The following IQSEC1 variants were observed in gnomAD, a reference collection of about 807,000 sequenced individuals.
The protein encoded by IQSEC1 is IQ motif and SEC7 domain-containing protein 1.
In IQSEC1, 31 loss-of-function variants were observed where a neutral mutation model predicts 91.0. The observed-to-expected ratio is 0.34, with a 90% CI of 0.26 to 0.46. IQSEC1 has a LOEUF of 0.46. Ranked by LOEUF, IQSEC1 falls within the 20% of genes least tolerant of loss-of-function variation. The probability of loss-of-function intolerance (pLI) is 1.00; values close to 1 mark genes in which losing one functional copy is unlikely to be tolerated. For missense variants in IQSEC1, 1,388 were observed against 1,575.6 expected (o/e 0.88, Z 2.02); for synonymous variants, 699 against 662.6 (o/e 1.05, Z -0.84).
At chr3:13,164,321 T>A (rs759648108) in intron 1 of IQSEC1, among the ~76,000 whole-genome samples, 1 of 152,146 alleles carries the variant, frequency 6.6e-6, no homozygotes, top group Non-Finnish European at 1.5e-5. Flanking sequence ...GGAACTGTAT[T>A]CAGAAAGTCC....
At chr3:13,220,847 T>C (rs575022654) in intron 1 of IQSEC1, among the ~76,000 whole-genome samples, 1 of 152,338 alleles carries the variant, frequency 6.6e-6, no homozygotes, top group African/African-American at 2.4e-5. Flanking sequence ...TCCACTGGCA[T>C]CTAGATCTGC....
intron 1 of IQSEC1, among the ~76,000 whole-genome samples, chr3:13,046,105 C>G (rs981091820): frequency 6.6e-6 from 1 of 152,208 alleles, no homozygotes; most frequent in Non-Finnish European, 1.5e-5. Context: ...GTATTCACAC[C>G]AGGATACCCA....
At chr3:13,192,074 G>A (rs1184886310) in intron 1 of IQSEC1, among the ~76,000 whole-genome samples, 2 of 152,146 alleles carry the variant, frequency 1.3e-5, no homozygotes, top group Non-Finnish European at 1.5e-5. Flanking sequence ...GGTGGCTCAC[G>A]CCTGTAATCC....
chr3:13,059,437 C>T (rs1286348327), intron 1 of IQSEC1, among the ~76,000 whole-genome samples: 1 of 152,142 alleles, frequency 6.6e-6, no homozygotes, highest in Non-Finnish European at 1.5e-5. Context: ...GACCACACAG[C>T]ACAGGCCTGG....
chr3:13,092,694 T>G (rs1289547633), intron 2 of IQSEC1, among the ~76,000 whole-genome samples: 4 of 152,158 alleles, frequency 2.6e-5, no homozygotes, highest in African/African-American at 9.7e-5. Context: ...ACAATCTCAA[T>G]GGTGTCTCCT....
At chr3:13,173,623 T>C (rs1693661470) in intron 1 of IQSEC1, among the ~76,000 whole-genome samples, 1 of 152,188 alleles carries the variant, frequency 6.6e-6, no homozygotes, top group Admixed American at 6.5e-5. Context: ...AAGGTTCCAT[T>C]TGTCAGGCCC....
At chr3:13,003,183 T>C (rs77477427) in intron 1 of IQSEC1, among the ~76,000 whole-genome samples, 164 of 144,074 alleles carry the variant, frequency 1.1e-3, no homozygotes, top group African/African-American at 3.9e-3. Context: ...CAGTGGCTCA[T>C]GCCCAACATT....
At chr3:12,913,622 G>C in intron 8 of IQSEC1, 69 bp from the exon 9 acceptor site, 1 of 1,519,960 alleles carries the variant, frequency 6.6e-7, no homozygotes, top group Non-Finnish European at 8.9e-7. Flanking sequence ...GGCCGCAGTG[G>C]AGAAGTCTAG....
intron 1 of IQSEC1, among the ~76,000 whole-genome samples, chr3:13,013,323 G>T (rs115391289): frequency 1.3e-5 from 2 of 152,200 alleles, no homozygotes; most frequent in East Asian, 3.9e-4. Context: ...CCACTCTGCC[G>T]GCGGAGTCCC....
chr3:13,264,068 C>G (rs566075742), intron 1 of IQSEC1, among the ~76,000 whole-genome samples: 4 of 152,206 alleles, frequency 2.6e-5, no homozygotes, highest in Non-Finnish European at 5.9e-5. Context: ...ATATAAATAG[C>G]CTTAAAGCTC....
At chr3:12,911,976 G>A (rs1018085385) in intron 9 of IQSEC1, among the ~76,000 whole-genome samples, 3 of 152,220 alleles carry the variant, frequency 2.0e-5, no homozygotes, top group African/African-American at 4.8e-5. Flanking sequence ...TTCACAGCAC[G>A]GAGCCCCCTC....
intron 1 of IQSEC1, among the ~76,000 whole-genome samples, chr3:13,054,210 T>C (rs1216894985): frequency 6.6e-6 from 1 of 152,172 alleles, no homozygotes; most frequent in African/African-American, 2.4e-5. Flanking sequence ...CCACAGTCTC[T>C]CCTTTAGGAC....
chr3:13,145,925 G>C (rs1454635097), intron 2 of IQSEC1, among the ~76,000 whole-genome samples: 1 of 152,102 alleles, frequency 6.6e-6, no homozygotes, highest in Non-Finnish European at 1.5e-5. Context: ...GTCACAGAGA[G>C]CCATGGTATG....
chr3:12,902,174 G>A (rs960494292), intron 13 of IQSEC1, among the ~76,000 whole-genome samples: 1 of 152,206 alleles, frequency 6.6e-6, no homozygotes, highest in Admixed American at 6.5e-5. Flanking sequence ...GATGTGAACA[G>A]TAATACAGAG....
chr3:12,987,942 T>C (rs781100098), intron 1 of IQSEC1, among the ~76,000 whole-genome samples: 5 of 152,012 alleles, frequency 3.3e-5, no homozygotes, highest in Non-Finnish European at 7.4e-5. Context: ...CAGTGTGGGG[T>C]TGGGGCAAGG....
chr3:13,069,659 G>A (rs1705350649), intron 1 of IQSEC1, among the ~76,000 whole-genome samples: 1 of 152,200 alleles, frequency 6.6e-6, no homozygotes, highest in South Asian at 2.1e-4. Context: ...CACTGGCCTG[G>A]CCAAGCAGCC....
intron 3 of IQSEC1, among the ~76,000 whole-genome samples, chr3:12,927,324 C>T (rs1697232965): frequency 6.6e-6 from 1 of 152,212 alleles, no homozygotes; most frequent in African/African-American, 2.4e-5. Context: ...GCCTATGCTC[C>T]CTGGCCTCCA....
intron 2 of IQSEC1, among the ~76,000 whole-genome samples, chr3:13,147,053 G>A (rs914607103): frequency 6.6e-6 from 1 of 152,216 alleles, no homozygotes; most frequent in African/African-American, 2.4e-5. Flanking sequence ...CTGTAGCTGG[G>A]AGTATGGTAC....
At chr3:13,237,130 C>T (rs13068633) in intron 1 of IQSEC1, among the ~76,000 whole-genome samples, 4,163 of 152,356 alleles carry the variant, frequency 0.027, 68 homozygotes, top group South Asian at 0.044. Context: ...ATTTCCATAG[C>T]TGCTTCCATA....
Sources: gnomAD v4.1 joint callset for allele counts (sites outside exome capture counted in the v4.1 genomes callset) on GRCh38, gnomAD v4.1.1 for gene constraint, MANE v1.5 for transcripts, NCBI Gene and HGNC (gene_info 2026-07-23, HGNC 2026-07-21) for gene names.